SPMIP8: variants seen among roughly 807,000 people sequenced by gnomAD.
SPMIP8 encodes the protein testicular tissue protein Li 196.
the SPMIP8 span, chr16:57,976,599 T>A: frequency 6.2e-7 from 1 of 1,614,128 alleles, no homozygotes; most frequent in South Asian, 1.1e-5. Flanking sequence ...CCTGTGCACC[T>A]GGGCCTGGGC....
At chr16:57,980,111 C>T in the SPMIP8 span, among the ~76,000 whole-genome samples, 1 of 152,112 alleles carries the variant, frequency 6.6e-6, no homozygotes, top group Non-Finnish European at 1.5e-5. Flanking sequence ...GACTTTATTT[C>T]TTACAAGGGG....
the SPMIP8 span, among the ~76,000 whole-genome samples, chr16:57,979,190 G>A: frequency 6.6e-6 from 1 of 152,216 alleles, no homozygotes; most frequent in Non-Finnish European, 1.5e-5. Flanking sequence ...GTAGGTGCAG[G>A]CGGGGCAGGG....
chr16:57,978,598 C>T, the SPMIP8 span, among the ~76,000 whole-genome samples: 1 of 151,662 alleles, frequency 6.6e-6, no homozygotes, highest in Non-Finnish European at 1.5e-5. Flanking sequence ...AAAAGTATTG[C>T]TGATGCCATT....
chr16:57,984,840 C>G, the SPMIP8 span: 12 of 1,565,576 alleles, frequency 7.7e-6, no homozygotes, highest in Admixed American at 9.4e-5. Flanking sequence ...AAGGAACTGC[C>G]GGGCAGGTGG....
At chr16:57,980,572 T>C in the SPMIP8 span, among the ~76,000 whole-genome samples, 2 of 152,212 alleles carry the variant, frequency 1.3e-5, no homozygotes, top group Non-Finnish European at 2.9e-5. Flanking sequence ...CATCAGCATC[T>C]GTGAGCTGTA....
the SPMIP8 span, among the ~76,000 whole-genome samples, chr16:57,980,748 G>A: frequency 1.3e-5 from 2 of 152,196 alleles, no homozygotes; most frequent in Non-Finnish European, 2.9e-5. Context: ...AGGCTAGAGT[G>A]CAATGTCAAA....
At chr16:57,985,445 C>T in the SPMIP8 span, 1 of 1,613,636 alleles carries the variant, frequency 6.2e-7, no homozygotes, top group East Asian at 2.2e-5. Context: ...CGTGCTCCCC[C>T]GACTCACCGC....
chr16:57,987,613 G>A, the SPMIP8 span: 5 of 582,364 alleles, frequency 8.6e-6, no homozygotes, highest in African/African-American at 1.9e-5. Context: ...GCCTGGGAGA[G>A]GGTCAGGGCC....
the SPMIP8 span, among the ~76,000 whole-genome samples, chr16:57,982,850 T>C: frequency 3.9e-5 from 6 of 152,188 alleles, no homozygotes; most frequent in African/African-American, 1.2e-4. Flanking sequence ...GCCAACATGG[T>C]GAAACCCCAT....
the SPMIP8 span, among the ~76,000 whole-genome samples, chr16:57,981,369 C>T: frequency 1.5e-5 from 1 of 65,852 alleles, no homozygotes; most frequent in Non-Finnish European, 4.8e-5. Context: ...AACAGAGTGA[C>T]ACTCCGTCTC....
the SPMIP8 span, among the ~76,000 whole-genome samples, chr16:57,981,408 A>ATTATTATTATTATAC: frequency 7.1e-6 from 1 of 141,062 alleles, no homozygotes; most frequent in Non-Finnish European, 1.5e-5. Context: ...TATTATTATA[A>ATTATTATTATTATAC]TAATAATTAT....
chr16:57,984,670 G>T, the SPMIP8 span: 1 of 1,594,586 alleles, frequency 6.3e-7, no homozygotes, highest in Admixed American at 1.7e-5. Context: ...CTTCGCAACA[G>T]GTACCACGAG....
chr16:57,982,854 ACCCC>A, the SPMIP8 span, among the ~76,000 whole-genome samples: 4 of 152,048 alleles, frequency 2.6e-5, 1 homozygote, highest in South Asian at 8.3e-4. Context: ...ACATGGTGAA[ACCCC>A]ATCTCTACTA....
chr16:57,984,033 A>G, the SPMIP8 span, among the ~76,000 whole-genome samples: 1 of 151,740 alleles, frequency 6.6e-6, no homozygotes, highest in Non-Finnish European at 1.5e-5. Flanking sequence ...CCTCCCGAGT[A>G]CCCGGGATTA....
At chr16:57,985,625 G>T in the SPMIP8 span, 1 of 1,501,542 alleles carries the variant, frequency 6.7e-7, no homozygotes, top group African/African-American at 1.4e-5. Context: ...TAGCGCACAG[G>T]CAATGCCCCT....
chr16:57,985,050 C>T, the SPMIP8 span: 60 of 1,106,066 alleles, frequency 5.4e-5, no homozygotes, highest in Non-Finnish European at 7.3e-5. Context: ...GGGCTTTGCC[C>T]TGGTGGGGCA....
chr16:57,985,580 C>T, the SPMIP8 span: 1 of 1,565,914 alleles, frequency 6.4e-7, no homozygotes, highest in African/African-American at 1.4e-5. Flanking sequence ...GACCCCATAT[C>T]TGGAGGAGGG....
At chr16:57,977,721 G>C in the SPMIP8 span, 1 of 1,353,914 alleles carries the variant, frequency 7.4e-7, no homozygotes, top group South Asian at 1.3e-5. Flanking sequence ...TTGGCAAGTA[G>C]ACATCGGCAC....
chr16:57,984,412 C>T, the SPMIP8 span: 1 of 1,585,708 alleles, frequency 6.3e-7, no homozygotes, highest in Non-Finnish European at 8.6e-7. Context: ...GGCACCAGCC[C>T]CAAGCACCTC....
Sources: allele counts gnomAD v4.1 joint callset (sites outside exome capture counted in the v4.1 genomes callset), GRCh38; gene constraint gnomAD v4.1.1; transcripts MANE v1.5; gene names NCBI Gene and HGNC (gene_info 2026-07-23, HGNC 2026-07-21).